Variants in SV2B observed in about 807,000 individuals in gnomAD.
SV2B encodes synaptic vesicle glycoprotein 2B, also known as solute carrier family 22 member B2.
A neutral mutation model predicts 73.9 loss-of-function variants in SV2B; 41 were observed. That is an observed-to-expected ratio of 0.56 (90% CI 0.43 to 0.72). The LOEUF (loss-of-function observed/expected upper bound fraction) is 0.72, where lower values mean the gene tolerates loss of function less well. SV2B is among the 30% of genes least tolerant of loss of function. SV2B has a pLI of 0.00. For synonymous variants in SV2B, 314 were observed against 314.2 expected (o/e 1.00, Z 0.01); for missense variants, 764 against 857.8 (o/e 0.89, Z 1.37).
rs2046588822 is a variant in SV2B at position 91,231,891 on chromosome 15, C to T, written c.451+5177C>T. On this transcript the variant is annotated intron_variant, in intron 2 of 12. Transcript: ENST00000394232. The surrounding 1 kb of genome is among the most constrained non-coding windows in gnomAD (Gnocchi z 4.5). ...CCCTGGGGCATGGTGTCTGTGCCAG[C>T]CATACGGAGGACACAGAGCAATGTC... Among the ~76,000 whole-genome samples, 1 of 152,136 alleles carries T rather than the reference C, an allele frequency of 6.6e-6. No individual in the cohort carries two copies. The highest frequency in any genetic ancestry group is 2.4e-5 in the African/African-American group (1 of 41,416).
At chr15:91,215,154 C>A (rs1291232629) in intron 1 of SV2B, among the ~76,000 whole-genome samples, 1 of 152,216 alleles carries the variant, frequency 6.6e-6, no homozygotes. Context: ...CAAGCACCAG[C>A]CCCTCATCCC....
At position 91,107,297 on chromosome 15, in the gene SV2B, G is replaced by GTTTGTTTGTTTGTTTGTTTATTTA. The variant is rs140617996; in HGVS notation, c.-392+6937_-392+6938insGTTTGTTTGTTTGTTTATTTATTT. Among the ~76,000 whole-genome samples the GTTTGTTTGTTTGTTTGTTTATTTA allele has an allele frequency of 4.7e-4, 69 of 145,728 alleles. 1 individual carries two copies. Among genetic ancestry groups the GTTTGTTTGTTTGTTTGTTTATTTA allele is most frequent in the African/African-American group, 1.7e-3 (64 of 38,690 alleles). On this transcript the variant is annotated intron_variant, in intron 1 of 12. Coordinates refer to ENST00000394232, the MANE Select transcript of SV2B (RefSeq NM_001323032.3). ...TCAGACTTCATTACTTTATTTGTTT[G>GTTTGTTTGTTTGTTTGTTTATTTA]TTTATTTATTTATTTATTTATTTAT...
intron 1 of SV2B, among the ~76,000 whole-genome samples, chr15:91,134,264 C>T (rs11637140): frequency 0.091 from 13,804 of 152,174 alleles, 762 homozygotes; most frequent in Non-Finnish European, 0.12. Flanking sequence ...TCCCAAAGTG[C>T]TGGGATTACA....
chr15:91,206,089 G>A (rs1042186892), intron 1 of SV2B, among the ~76,000 whole-genome samples: 3 of 151,904 alleles, frequency 2.0e-5, no homozygotes, highest in African/African-American at 7.3e-5. Flanking sequence ...CCTGGCTGGA[G>A]TACAGTGGTG....
intron 1 of SV2B, among the ~76,000 whole-genome samples, chr15:91,181,920 G>T (rs938615295): frequency 6.6e-6 from 1 of 151,718 alleles, no homozygotes; most frequent in African/African-American, 2.4e-5. Flanking sequence ...GATTAGATTA[G>T]ATATAGATAG....
intron 1 of SV2B, among the ~76,000 whole-genome samples, chr15:91,131,662 A>AT (rs1491402139): frequency 6.7e-6 from 1 of 149,546 alleles, no homozygotes; most frequent in Non-Finnish European, 1.5e-5. Flanking sequence ...AAAAAAAAAA[A>AT]CAAAAAAAAC....
chr15:91,194,595 A>G (rs1458481008), intron 1 of SV2B, among the ~76,000 whole-genome samples: 2 of 152,236 alleles, frequency 1.3e-5, no homozygotes, highest in East Asian at 1.9e-4. Flanking sequence ...ATAAATTCAG[A>G]TGAAGTGCCT....
chr15:91,145,618 C>T (rs556001272), intron 1 of SV2B, among the ~76,000 whole-genome samples: 3 of 152,276 alleles, frequency 2.0e-5, no homozygotes, highest in African/African-American at 4.8e-5. Context: ...AGTGTATAAG[C>T]ATTCCTTTTT....
Position 91,252,478 on chromosome 15 carries a change from C to T in SV2B, c.742C>T (p.Leu248=). The part of the protein sequence containing the change: ...WLGIFWMTGG[L]YASAMAWSII... The stretch of plus-strand genomic sequence containing the variant: ...GGGCATCTTCTGGATGACTGGGGGC[C>T]TGTACGCATCTGCCATGGCCTGGAG... The change falls in exon 4 of 13, where the codon CTG becomes TTG. Residue 248 remains leucine (L), a synonymous_variant. Transcript: ENST00000394232. The surrounding 1 kb of genome is among the most constrained non-coding windows in gnomAD (Gnocchi z 4.6). The T allele has an allele frequency of 6.2e-7, 1 of 1,613,560 alleles. No individual in the cohort carries two copies. The highest frequency in any genetic ancestry group is 8.5e-7 in the Non-Finnish European group (1 of 1,179,716).
chr15:91,124,901 G>A lies in SV2B; in HGVS notation c.-392+24538G>A, dbSNP rs1038050689. On this transcript the variant is annotated intron_variant, in intron 1 of 12. Coordinates refer to ENST00000394232, the MANE Select transcript of SV2B (RefSeq NM_001323032.3). This position sits in a 1 kb window ranked among gnomAD's most constrained non-coding sequence, Gnocchi z 4.6. ...ACTCCTGACTTCAAGTGATCCACCC[G>A]CCTCGGCCTCCCAAAGTGCTGATAT... is the stretch of plus-strand genomic sequence containing the variant. 6.6e-6 allele frequency among the ~76,000 whole-genome samples: 1 copy of A among 152,074 alleles called. No individual in the cohort carries two copies.
At chr15:91,207,028 G>A (rs1461930901) in intron 1 of SV2B, among the ~76,000 whole-genome samples, 1 of 151,948 alleles carries the variant, frequency 6.6e-6, no homozygotes, top group Non-Finnish European at 1.5e-5. Context: ...GGGATTGTGA[G>A]CAATTTCCTT....
chr15:91,260,221 A>G, intron 5 of SV2B, 99 bp from the exon 6 acceptor site: 1 of 1,051,280 alleles, frequency 9.5e-7, no homozygotes, highest in Non-Finnish European at 1.4e-6. Flanking sequence ...GAATGCTCGT[A>G]TCAACATTCC....
rs1453481911 is a variant in SV2B at position 91,253,099 on chromosome 15, C to A, written c.784+579C>A. ...GTTTCAGCCGGGACAATTTTATTTTCCTGGATAATTGTAAACACTATTCTC... is the reference window on the plus strand; with the variant it reads ...GTTTCAGCCGGGACAATTTTATTTTACTGGATAATTGTAAACACTATTCTC... On this transcript the variant is annotated intron_variant, in intron 4 of 12. Transcript: ENST00000394232. The surrounding 1 kb of genome is among the most constrained non-coding windows in gnomAD (Gnocchi z 5.0). Among the ~76,000 whole-genome samples, 1 of 152,178 alleles carries A rather than the reference C, an allele frequency of 6.6e-6. No individual in the cohort carries two copies. The highest frequency in any genetic ancestry group is 1.9e-4 in the East Asian group (1 of 5,202).
Position 91,236,481 on chromosome 15 carries a change from T to C in SV2B, c.451+9767T>C, listed in dbSNP as rs2046786058. On this transcript the variant is annotated intron_variant, in intron 2 of 12. Coordinates refer to ENST00000394232, the MANE Select transcript of SV2B (RefSeq NM_001323032.3). This position sits in a 1 kb window ranked among gnomAD's most constrained non-coding sequence, Gnocchi z 4.1. The stretch of plus-strand genomic sequence containing the variant: ...GAATTCTTAAGTAAACTGGCATATT[T>C]ACTGAGAATGGAGGTGGAAGTTGCA... Among the ~76,000 whole-genome samples, 1 of 152,152 alleles carries C rather than the reference T, an allele frequency of 6.6e-6. No individual in the cohort carries two copies. Among genetic ancestry groups the C allele is most frequent in the Non-Finnish European group, 1.5e-5 (1 of 68,024 alleles).
Position 91,168,555 on chromosome 15 carries a change from C to G in SV2B, c.-391-57318C>G, listed in dbSNP as rs189101787. Among the ~76,000 whole-genome samples, 403 of 152,214 alleles carry G rather than the reference C, an allele frequency of 2.6e-3. 2 individuals carry two copies. The highest frequency in any genetic ancestry group is 9.1e-3 in the African/African-American group (377 of 41,526). ...TATGTTCCACAGAGGTCCCCCTTTC[C>G]AGTCTTCTGGCTAGAAAAAGAAAGT... On this transcript the variant is annotated intron_variant, in intron 1 of 12. Coordinates refer to ENST00000394232, the MANE Select transcript of SV2B (RefSeq NM_001323032.3).
chr15:91,266,558 CTA>C (rs1287544053), intron 6 of SV2B, 22 bp from the exon 7 acceptor site: 1 of 1,578,364 alleles, frequency 6.3e-7, no homozygotes, highest in Non-Finnish European at 8.7e-7. Context: ...TTCAAATTCT[CTA>C]TATCCTATTT....
In SV2B at chr15:91,115,372, C is replaced by T. The variant is rs1032193454; in HGVS notation, c.-392+15009C>T. ...TTGAAAGTGGGCTATTTCTCCATCT[C>T]CCCTTCCTTTTTTTTTTGAAACAGA... On this transcript the variant is annotated intron_variant, in intron 1 of 12. Coordinates refer to ENST00000394232, the MANE Select transcript of SV2B (RefSeq NM_001323032.3). The surrounding 1 kb of genome is among the most constrained non-coding windows in gnomAD (Gnocchi z 4.3). Among the ~76,000 whole-genome samples the T allele has an allele frequency of 6.6e-6, 1 of 151,960 alleles. No homozygotes were observed. Among genetic ancestry groups the T allele is most frequent in the African/African-American group, 2.4e-5 (1 of 41,380 alleles).
chr15:91,126,526 T>C (rs1260085797), intron 1 of SV2B, among the ~76,000 whole-genome samples: 6 of 152,186 alleles, frequency 3.9e-5, no homozygotes, highest in Non-Finnish European at 7.3e-5. Flanking sequence ...GACTGGGATA[T>C]TATATTTGTT....
Position 91,267,534 on chromosome 15 carries a change from C to G in SV2B, c.1120-21C>G, listed in dbSNP as rs771393723. ...TCACACATTGCTTTCTTTAACAATC[C>G]TTCTCTGGTATGGGTTGTAGGTCTG... On this transcript the variant is annotated intron_variant, in intron 7 of 12. Transcript: ENST00000394232. The surrounding 1 kb of genome is among the most constrained non-coding windows in gnomAD (Gnocchi z 4.3). 6.3e-7 allele frequency: 1 copy of G among 1,599,930 alleles called. No individual in the cohort carries two copies. The highest frequency in any genetic ancestry group is 8.6e-7 in the Non-Finnish European group (1 of 1,168,416).
Sources: allele counts gnomAD v4.1 joint callset (sites outside exome capture counted in the v4.1 genomes callset), GRCh38; gene constraint gnomAD v4.1.1; non-coding constraint Gnocchi (gnomAD v3.1); transcripts MANE v1.5; gene names NCBI Gene and HGNC (gene_info 2026-07-23, HGNC 2026-07-21).